C8orf34: variants seen among roughly 807,000 people sequenced by gnomAD.
C8orf34 encodes uncharacterized protein C8orf34.
Under a neutral mutation model 68.3 loss-of-function variants are expected in C8orf34, and 65 were observed. The observed-to-expected ratio is 0.95, with a 90% CI of 0.78 to 1.17. The LOEUF is 1.17. Ranked by LOEUF, C8orf34 falls within the 50% of genes most tolerant of loss-of-function variation. The pLI is 0.00. For missense variants in C8orf34, 664 were observed against 655.4 expected (o/e 1.01, Z -0.14); for synonymous variants, 244 against 241.2 (o/e 1.01, Z -0.11).
chr8:68,787,816 A>G (rs1823887761), intron 12 of C8orf34, among the ~76,000 whole-genome samples: 1 of 152,216 alleles, frequency 6.6e-6, no homozygotes, highest in Non-Finnish European at 1.5e-5. Context: ...TGAATCTTCT[A>G]TGAATAGTCT....
chr8:68,746,257 G>C (rs1461389473), intron 10 of C8orf34, among the ~76,000 whole-genome samples: 1 of 150,394 alleles, frequency 6.6e-6, no homozygotes, highest in East Asian at 2.0e-4. Context: ...GAAATTTATA[G>C]CACTAAATGC....
chr8:68,522,674 T>TG (rs1419909493), intron 6 of C8orf34, among the ~76,000 whole-genome samples: 1 of 151,560 alleles, frequency 6.6e-6, no homozygotes, highest in East Asian at 1.9e-4. Context: ...TCAGAGTAAT[T>TG]TTTTTTTGTA....
chr8:68,437,634 CTTT>C (rs965865364), intron 1 of C8orf34, among the ~76,000 whole-genome samples: 4 of 151,942 alleles, frequency 2.6e-5, no homozygotes, highest in African/African-American at 9.7e-5. Flanking sequence ...AGCAGATGGC[CTTT>C]TTTAATTTAT....
chr8:68,504,686 T>C (rs192243110), intron 5 of C8orf34, among the ~76,000 whole-genome samples: 2 of 148,660 alleles, frequency 1.3e-5, no homozygotes, highest in Non-Finnish European at 3.0e-5. Flanking sequence ...TGCCTAATTT[T>C]TTTTTTTTTT....
At chr8:68,765,352 C>T (rs961172908) in intron 10 of C8orf34, among the ~76,000 whole-genome samples, 5 of 152,172 alleles carry the variant, frequency 3.3e-5, no homozygotes, top group African/African-American at 9.7e-5. Flanking sequence ...CTAGGTAACA[C>T]CTTTGCACCT....
chr8:68,500,342 A>T (rs1421759575), intron 5 of C8orf34, among the ~76,000 whole-genome samples: 1 of 152,210 alleles, frequency 6.6e-6, no homozygotes, highest in Non-Finnish European at 1.5e-5. Flanking sequence ...CATGAAGGTC[A>T]TAGATCAAAG....
intron 11 of C8orf34, among the ~76,000 whole-genome samples, chr8:68,779,908 T>A (rs1259544462): frequency 6.6e-6 from 1 of 152,142 alleles, no homozygotes; most frequent in Non-Finnish European, 1.5e-5. Flanking sequence ...ACATGCTAAA[T>A]CATAATTTTT....
At chr8:68,671,069 G>A (rs1039855843) in intron 8 of C8orf34, among the ~76,000 whole-genome samples, 1 of 152,102 alleles carries the variant, frequency 6.6e-6, no homozygotes, top group African/African-American at 2.4e-5. Context: ...TAATTACACT[G>A]ATTCTTTTCA....
At chr8:68,445,692 G>A (rs1386085010) in intron 2 of C8orf34, among the ~76,000 whole-genome samples, 1 of 152,148 alleles carries the variant, frequency 6.6e-6, no homozygotes, top group Non-Finnish European at 1.5e-5. Context: ...TTACTGAAAT[G>A]TTTATTTTTA....
intron 8 of C8orf34, among the ~76,000 whole-genome samples, chr8:68,661,497 ATT>A (rs1819678282): frequency 1.3e-5 from 2 of 152,232 alleles, no homozygotes; most frequent in Non-Finnish European, 2.9e-5. Flanking sequence ...AATAGAATTT[ATT>A]AAGTGAAACG....
At chr8:68,734,026 T>A (rs1190462198) in intron 10 of C8orf34, among the ~76,000 whole-genome samples, 2 of 152,336 alleles carry the variant, frequency 1.3e-5, no homozygotes, top group African/African-American at 4.8e-5. Context: ...TAATTTTTTT[T>A]ATGTTTATCA....
At chr8:68,546,954 C>G (rs556696572) in intron 7 of C8orf34, among the ~76,000 whole-genome samples, 1 of 151,736 alleles carries the variant, frequency 6.6e-6, no homozygotes, top group South Asian at 2.1e-4. Flanking sequence ...AAACCCAGAG[C>G]TTTAAACAAG....
At chr8:68,730,965 C>A (rs539913847) in intron 10 of C8orf34, among the ~76,000 whole-genome samples, 1 of 152,108 alleles carries the variant, frequency 6.6e-6, no homozygotes, top group Non-Finnish European at 1.5e-5. Flanking sequence ...GTGATTGTCA[C>A]CTCCTGCAAA....
At chr8:68,394,095 T>A (rs947655989) in intron 1 of C8orf34, among the ~76,000 whole-genome samples, 6 of 152,020 alleles carry the variant, frequency 3.9e-5, no homozygotes, top group African/African-American at 7.2e-5. Flanking sequence ...CCATTTTTTT[T>A]TTATTATTAT....
chr8:68,798,994 G>C (rs1824255981), intron 12 of C8orf34, among the ~76,000 whole-genome samples: 1 of 152,084 alleles, frequency 6.6e-6, no homozygotes, highest in South Asian at 2.1e-4. Context: ...TTTGTCATGT[G>C]CAATACTCAC....
At chr8:68,639,474 T>G (rs1053674076) in intron 7 of C8orf34, among the ~76,000 whole-genome samples, 1 of 152,058 alleles carries the variant, frequency 6.6e-6, no homozygotes, top group African/African-American at 2.4e-5. Context: ...GATTGTTTTT[T>G]GAGGTATCTA....
chr8:68,330,720 G>GC (rs1805528245), upstream of C8orf34: 1 of 333,770 alleles, frequency 3.0e-6, no homozygotes, highest in Admixed American at 5.0e-5. Context: ...GGTAGGGCGA[G>GC]CAGCCTCGGG....
chr8:68,661,283 T>C (rs1198471425), intron 8 of C8orf34, among the ~76,000 whole-genome samples: 1 of 152,220 alleles, frequency 6.6e-6, no homozygotes, highest in Non-Finnish European at 1.5e-5. Flanking sequence ...CTCCATTTGT[T>C]TTCAGAAAAA....
chr8:68,678,830 A>G (rs1185439996), intron 8 of C8orf34, among the ~76,000 whole-genome samples: 4 of 148,142 alleles, frequency 2.7e-5, no homozygotes, highest in Admixed American at 6.8e-5. Context: ...ATATGATCTT[A>G]TATTTGGAAA....
Sources: allele counts gnomAD v4.1 joint callset (sites outside exome capture counted in the v4.1 genomes callset), GRCh38; gene constraint gnomAD v4.1.1; transcripts MANE v1.5; gene names NCBI Gene and HGNC (gene_info 2026-07-23, HGNC 2026-07-21).